The following CDK12 variants were observed in gnomAD, a reference collection of about 807,000 sequenced individuals.
CDK12 encodes the protein cyclin dependent kinase 12.
In CDK12, 17 loss-of-function variants were observed where a neutral mutation model predicts 133.8. The observed-to-expected ratio is 0.13, with a 90% confidence interval of 0.09 to 0.19. The LOEUF (loss-of-function observed/expected upper bound fraction) is 0.19, where lower values mean the gene tolerates loss of function less well. Among genes scored for constraint, CDK12 ranks in the 10% least tolerant of loss-of-function variants. The probability of loss-of-function intolerance (pLI) is 1.00; values close to 1 mark genes in which losing one functional copy is unlikely to be tolerated. For missense variants in CDK12, 1,508 were observed against 1,818.7 expected (o/e 0.83, Z 3.11); for synonymous variants, 694 against 683.6 (o/e 1.02, Z -0.24).
At chr17:39,489,161 A>G (rs1445008255) in intron 2 of CDK12, among the ~76,000 whole-genome samples, 5 of 150,958 alleles carry the variant, frequency 3.3e-5, no homozygotes, top group Admixed American at 1.3e-4. Context: ...GCTCACTGCA[A>G]CCTCCACCCC....
In CDK12 at chr17:39,533,099, G is replaced by GA. The variant is rs1416133787; in HGVS notation, c.*1786dup. 3 of 230,372 alleles carry GA rather than the reference G, an allele frequency of 1.3e-5. No homozygotes were observed. Among genetic ancestry groups the GA allele is most frequent in the Non-Finnish European group, 2.6e-5 (3 of 116,604 alleles). The allele number at this position is 230,372 out of a possible 1,614,324, so 14.3% of individuals were successfully genotyped here. On this transcript the variant is annotated 3_prime_UTR_variant, in exon 14 of 14. Coordinates refer to ENST00000447079, the MANE Select transcript of CDK12 (RefSeq NM_016507.4). ...TAAAAAAAAAAAACTTTAAAGAAATGAAAGAAGAACCCTCTTCAGATACTT... is the reference window on the plus strand; with the variant it reads ...TAAAAAAAAAAAACTTTAAAGAAATGAAAAGAAGAACCCTCTTCAGATACTT...
chr17:39,479,606 T>G (rs1020217815), intron 2 of CDK12, among the ~76,000 whole-genome samples: 1 of 150,872 alleles, frequency 6.6e-6, no homozygotes, highest in Non-Finnish European at 1.5e-5. Flanking sequence ...GATTTGTCTG[T>G]TTTTTTTTGT....
intron 2 of CDK12, among the ~76,000 whole-genome samples, chr17:39,472,091 C>T (rs75538806): frequency 6.6e-6 from 1 of 151,918 alleles, no homozygotes; most frequent in Non-Finnish European, 1.5e-5. Context: ...TCAAGCGATT[C>T]TCCCACCTCA....
chr17:39,529,541 T>A (rs1208930425), intron 13 of CDK12, among the ~76,000 whole-genome samples: 1 of 152,166 alleles, frequency 6.6e-6, no homozygotes, highest in African/African-American at 2.4e-5. Context: ...GCAGGATGAC[T>A]CTCAATTTTC....
upstream of CDK12, among the ~76,000 whole-genome samples, chr17:39,548,085 G>T (rs1464540847): frequency 6.6e-6 from 1 of 152,166 alleles, no homozygotes; most frequent in Non-Finnish European, 1.5e-5. Flanking sequence ...TGCAGTCATG[G>T]TTTCTGCCAC....
chr17:39,519,149 C>T (rs938101525), intron 10 of CDK12, among the ~76,000 whole-genome samples: 20 of 151,938 alleles, frequency 1.3e-4, no homozygotes, highest in African/African-American at 1.9e-4. Context: ...ATTATCTGCC[C>T]GCCTCGGCCC....
At chr17:39,489,241 T>A (rs2051383208) in intron 2 of CDK12, among the ~76,000 whole-genome samples, 2 of 151,024 alleles carry the variant, frequency 1.3e-5, no homozygotes, top group African/African-American at 4.9e-5. Flanking sequence ...CAGCTAAATT[T>A]TGTATTTTAA....
intron 10 of CDK12, 51 bp downstream of exon 10, chr17:39,517,607 G>A: frequency 8.7e-7 from 1 of 1,148,572 alleles, no homozygotes; most frequent in Non-Finnish European, 1.3e-6. Flanking sequence ...CTGGTGTTGG[G>A]ACTTGGCTTT....
chr17:39,499,212 T>TCTTTTC, intron 5 of CDK12, among the ~76,000 whole-genome samples: 1 of 92,030 alleles, frequency 1.1e-5, no homozygotes, highest in East Asian at 2.7e-4. Flanking sequence ...TCTTTCCTTT[T>TCTTTTC]TTTTTTTTTT....
intron 10 of CDK12, among the ~76,000 whole-genome samples, chr17:39,517,898 G>A (rs184312441): frequency 3.6e-4 from 54 of 152,094 alleles, no homozygotes; most frequent in African/African-American, 1.2e-3. Flanking sequence ...TGTTGTCCAG[G>A]CTGGAGTGCA....
At chr17:39,465,750 T>TAA (rs966732822) in intron 1 of CDK12, among the ~76,000 whole-genome samples, 18 of 151,932 alleles carry the variant, frequency 1.2e-4, no homozygotes, top group African/African-American at 4.4e-4. Flanking sequence ...CTCGGCCTCC[T>TAA]AAAGTGCTGG....
intron 3 of CDK12, among the ~76,000 whole-genome samples, chr17:39,561,490 T>C (rs1206621930): frequency 6.6e-6 from 1 of 152,198 alleles, no homozygotes; most frequent in Non-Finnish European, 1.5e-5. Context: ...ACTGAACTCA[T>C]GGACAGCTCA....
chr17:39,466,583 C>T (rs1235345899), intron 1 of CDK12, among the ~76,000 whole-genome samples: 1 of 115,886 alleles, frequency 8.6e-6, no homozygotes, highest in African/African-American at 3.3e-5. Context: ...TAATTGCACT[C>T]CATCCTGGGC....
intron 5 of CDK12, among the ~76,000 whole-genome samples, chr17:39,496,670 C>T (rs2052137584): frequency 6.6e-6 from 1 of 152,020 alleles, no homozygotes; most frequent in Non-Finnish European, 1.5e-5. Context: ...CATTGCACTC[C>T]AGCCTGGGTG....
chr17:39,501,025 T>TG (rs1332423755), intron 5 of CDK12, among the ~76,000 whole-genome samples: 1 of 152,134 alleles, frequency 6.6e-6, no homozygotes, highest in East Asian at 1.9e-4. Context: ...CATCAGCCAC[T>TG]GCGCCCAGCC....
Position 39,530,620 on chromosome 17 carries a change from T to C in CDK12, c.3777T>C (p.Ile1259=), listed in dbSNP as rs2054774117. The part of the protein sequence containing the change: ...QEEAAACPPH[I]LPPEKRPPEP... ...CTTCCACAGCATGTCCTCCTCACAT[T>C]CTTCCACCAGAGAAGAGGCCCCCTG... The change falls in exon 14 of 14, where the codon ATT becomes ATC. Residue 1259 remains isoleucine (I), a synonymous_variant. Transcript: ENST00000447079. 1 of 1,598,252 alleles carries C rather than the reference T, an allele frequency of 6.3e-7. No homozygotes were observed. The highest frequency in any genetic ancestry group is 8.5e-7 in the Non-Finnish European group (1 of 1,171,142).
chr17:39,470,956 C>G lies in CDK12; in HGVS notation c.1124C>G (p.Ser375Cys), dbSNP rs1427699323. The G allele has an allele frequency of 6.2e-6, 10 of 1,613,734 alleles. No individual in the cohort carries two copies. Among genetic ancestry groups the G allele is most frequent in the Admixed American group, 1.7e-5 (1 of 59,966 alleles). The change falls in exon 2 of 14, where the codon TCC becomes TGC. Residue 375 changes from serine (S) to cysteine (C), a missense_variant. Ser to Cys is a moderately radical substitution (Grantham distance 112). Around this residue, in one of 9 missense-constraint regions of CDK12, gnomAD observed 460 missense variants for 490.8 expected, o/e 0.94. Coordinates refer to ENST00000447079, the MANE Select transcript of CDK12 (RefSeq NM_016507.4). ...HSSSHSKKKRSSSRSRHSSIS... is the reference protein window; with the variant it reads ...HSSSHSKKKRCSSRSRHSSIS... The stretch of plus-strand genomic sequence containing the variant: ...TCTTCTCATAGTAAAAAGAAGAGAT[C>G]CAGTTCACGCAGTCGTCATTCCAGT...
chr17:39,511,309 A>G (rs1005758695), intron 7 of CDK12, among the ~76,000 whole-genome samples: 1 of 151,720 alleles, frequency 6.6e-6, no homozygotes, highest in Non-Finnish European at 1.5e-5. Flanking sequence ...AGGCCTCCCA[A>G]AGTGCTGGTA....
intron 6 of CDK12, among the ~76,000 whole-genome samples, chr17:39,507,450 G>A (rs1007459048): frequency 2.6e-5 from 4 of 151,874 alleles, no homozygotes; most frequent in African/African-American, 9.7e-5. Context: ...GCCGGGCGTA[G>A]TGGCACATGC....
Sources: allele counts gnomAD v4.1 joint callset (sites outside exome capture counted in the v4.1 genomes callset), GRCh38; gene constraint gnomAD v4.1.1; regional missense constraint gnomAD v4.1.1; transcripts MANE v1.5; gene names NCBI Gene and HGNC (gene_info 2026-07-23, HGNC 2026-07-21).